Variants in C17orf67 observed in about 807,000 individuals in gnomAD.
The protein encoded by C17orf67 is uncharacterized protein C17orf67.
Under a neutral mutation model 11.2 loss-of-function variants are expected in C17orf67, and 12 were observed. The ratio of observed to expected loss-of-function variants is 1.07; its 90% CI spans 0.68 to 1.73. The LOEUF (loss-of-function observed/expected upper bound fraction) is 1.73. Among genes scored for constraint, C17orf67 ranks in the 40% most tolerant of loss-of-function variants. The pLI is 0.00. For missense variants in C17orf67, 115 were observed against 113.5 expected, an observed-to-expected ratio of 1.01 and a Z score of -0.06; for synonymous variants, 59 against 46.9, an observed-to-expected ratio of 1.26 and a Z score of -1.05.
At chr17:56,809,853 TCA>T (rs951333469) in intron 6 of C17orf67, among the ~76,000 whole-genome samples, 32 of 103,372 alleles carry the variant, frequency 3.1e-4, no homozygotes, top group African/African-American at 1.1e-3. Flanking sequence ...ACATACACCC[TCA>T]CACACACCTG....
chr17:56,810,447 TAC>T (rs996874521), intron 6 of C17orf67, among the ~76,000 whole-genome samples: 2 of 145,334 alleles, frequency 1.4e-5, no homozygotes, highest in African/African-American at 2.6e-5. Flanking sequence ...CATACCCTCA[TAC>T]ACACACCCCT....
chr17:56,817,518 G>A (rs2144138264), intron 4 of C17orf67, among the ~76,000 whole-genome samples: 1 of 152,196 alleles, frequency 6.6e-6, no homozygotes, highest in African/African-American at 2.4e-5. Flanking sequence ...GTGCAGTGGT[G>A]CAATCACAGC....
intron 6 of C17orf67, among the ~76,000 whole-genome samples, chr17:56,796,667 T>C (rs1905219625): frequency 6.6e-6 from 1 of 152,182 alleles, no homozygotes; most frequent in African/African-American, 2.4e-5. Context: ...CATCGGGACG[T>C]TGAGGCTATC....
chr17:56,832,843 C>A (rs1385640885), intron 2 of C17orf67, 55 bp downstream of exon 2: 1 of 152,188 alleles, frequency 6.6e-6, no homozygotes, highest in East Asian at 1.9e-4. Flanking sequence ...TACAAATATA[C>A]GCACATACAC....
chr17:56,814,906 C>T lies in C17orf67; in HGVS notation c.119G>A (p.Arg40Lys). The T allele has an allele frequency of 6.2e-7, 1 of 1,614,114 alleles. No homozygotes were observed. The highest frequency in any genetic ancestry group is 8.5e-7 in the Non-Finnish European group (1 of 1,180,004). The change falls in exon 6 of 8, where the codon AGA becomes AAA. Residue 40 changes from arginine (R) to lysine (K), a missense_variant. Coordinates refer to ENST00000397861, the MANE Select transcript of C17orf67 (RefSeq NM_001085430.4). The stretch of plus-strand genomic sequence containing the variant: ...ATCGGGGAATCCGGGTTTGCTTGGT[C>T]TATCCTGTCGCCGAGATCTTAGGAG... ...KQLLRSRRQD[R>K]PSKPGFPDEP...
chr17:56,794,951 C>A (rs1483306244), intron 7 of C17orf67, 93 bp downstream of exon 7: 2 of 858,856 alleles, frequency 2.3e-6, no homozygotes, highest in Non-Finnish European at 1.8e-6. Context: ...AGCTGGCCCC[C>A]CTGAGGCATG....
At chr17:56,820,069 T>G (rs1291332151) in intron 4 of C17orf67, among the ~76,000 whole-genome samples, 1 of 152,198 alleles carries the variant, frequency 6.6e-6, no homozygotes, top group Non-Finnish European at 1.5e-5. Flanking sequence ...AGCGGTACAG[T>G]AAGTCCTCAT....
At chr17:56,825,963 A>ATGTGTGTGTG (rs1906018971) in intron 2 of C17orf67, among the ~76,000 whole-genome samples, 11 of 151,550 alleles carry the variant, frequency 7.3e-5, no homozygotes, top group African/African-American at 2.7e-4. Context: ...GTGTGTGTGC[A>ATGTGTGTGTG]CGCGTGTGTG....
At chr17:56,801,308 T>C (rs1314537863) in intron 6 of C17orf67, among the ~76,000 whole-genome samples, 1 of 152,204 alleles carries the variant, frequency 6.6e-6, no homozygotes, top group African/African-American at 2.4e-5. Flanking sequence ...AAATTGTTTT[T>C]GGCATGTATC....
chr17:56,819,411 G>A (rs1200834655), intron 4 of C17orf67, among the ~76,000 whole-genome samples: 2 of 152,098 alleles, frequency 1.3e-5, no homozygotes, highest in African/African-American at 2.4e-5. Flanking sequence ...TAATTTATAC[G>A]TATTGCATTT....
intron 4 of C17orf67, among the ~76,000 whole-genome samples, chr17:56,820,367 G>T (rs1304680408): frequency 2.0e-5 from 3 of 152,142 alleles, no homozygotes; most frequent in Non-Finnish European, 2.9e-5. Flanking sequence ...GCGTGTCCCA[G>T]CAGCTCAGGG....
intron 5 of C17orf67, 113 bp from the exon 6 acceptor site, chr17:56,815,082 T>C: frequency 1.1e-6 from 1 of 888,862 alleles, no homozygotes; most frequent in Non-Finnish European, 1.9e-6. Context: ...AACATGAAAG[T>C]TCTTTCCCGG....
At chr17:56,825,963 A>G (rs71373396) in intron 2 of C17orf67, among the ~76,000 whole-genome samples, 125,323 of 151,508 alleles carry the variant, frequency 0.83, 52,228 homozygotes, top group East Asian at 0.93. Flanking sequence ...GTGTGTGTGC[A>G]CGCGTGTGTG....
intron 2 of C17orf67, among the ~76,000 whole-genome samples, chr17:56,829,835 C>T (rs1598003108): frequency 6.6e-6 from 1 of 152,198 alleles, no homozygotes; most frequent in East Asian, 1.9e-4. Context: ...CATCAAACTG[C>T]ATTTCTCAAG....
intron 2 of C17orf67, among the ~76,000 whole-genome samples, chr17:56,831,448 G>C (rs529768459): frequency 6.6e-6 from 1 of 152,202 alleles, no homozygotes; most frequent in Admixed American, 6.5e-5. Flanking sequence ...AGGACCTTTT[G>C]ACACTAGAGT....
In C17orf67 at chr17:56,805,942, G is replaced by A. The variant is rs190193959; in HGVS notation, c.156+8927C>T. ...CATTTTTTAAATGCCTGTCTTTGGG[G>A]AGAAGGGACAGGACTACAGTTGATT... On this transcript the variant is annotated intron_variant, in intron 6 of 7. Coordinates refer to ENST00000397861, the MANE Select transcript of C17orf67 (RefSeq NM_001085430.4). Among the ~76,000 whole-genome samples the A allele has an allele frequency of 1.5e-3, 226 of 150,842 alleles. 1 individual carries two copies. The highest frequency in any genetic ancestry group is 2.7e-3 in the Non-Finnish European group (181 of 67,834).
chr17:56,831,533 A>C (rs111685952), intron 2 of C17orf67, among the ~76,000 whole-genome samples: 31 of 152,176 alleles, frequency 2.0e-4, no homozygotes, highest in African/African-American at 7.2e-4. Context: ...AGGAACGTGG[A>C]GGATCATTGG....
chr17:56,820,767 C>CTTT (rs746734939), intron 4 of C17orf67, among the ~76,000 whole-genome samples: 13 of 122,496 alleles, frequency 1.1e-4, no homozygotes, highest in East Asian at 2.3e-4. Context: ...GTGAGTTTCC[C>CTTT]TTTTTTTTTT....
In C17orf67 at chr17:56,828,853, C is replaced by CAAAA. The variant is rs11346468; in HGVS notation, c.-556-3536_-556-3533dup. 5.0e-4 allele frequency among the ~76,000 whole-genome samples: 61 copies of CAAAA among 123,070 alleles called. 1 individual carries two copies. The highest frequency in any genetic ancestry group is 1.7e-3 in the African/African-American group (57 of 33,508). 80.7% of individuals were successfully genotyped at this position (123,070 alleles called of 152,430 possible). ...AACTCACAGGCAAGCACAGTGATGA[C>CAAAA]AAAAAAAAAAAAAAAAACACTGCAG... On this transcript the variant is annotated intron_variant, in intron 2 of 7. Transcript: ENST00000397861.
Sources: allele counts gnomAD v4.1 joint callset (sites outside exome capture counted in the v4.1 genomes callset), GRCh38; gene constraint gnomAD v4.1.1; transcripts MANE v1.5; gene names NCBI Gene and HGNC (gene_info 2026-07-23, HGNC 2026-07-21).